Variants in HACE1 observed in about 807,000 individuals in gnomAD.
HACE1 encodes the protein HECT domain and ankyrin repeat containing E3 ubiquitin protein ligase 1.
Under a neutral mutation model 118.4 loss-of-function variants are expected in HACE1, and 73 were observed. That is an observed-to-expected ratio of 0.62 (90% CI 0.51 to 0.75). HACE1 has a LOEUF of 0.75. HACE1 is among the 30% of genes least tolerant of loss of function. The probability of loss-of-function intolerance (pLI) is 0.00; values close to 1 mark genes in which losing one functional copy is unlikely to be tolerated. For synonymous variants in HACE1, 368 were observed against 374.8 expected (o/e 0.98, Z 0.21); for missense variants, 749 against 1,102.2 (o/e 0.68, Z 4.54).
Position 104,777,089 on chromosome 6 carries a change from C to T in HACE1, c.1700G>A (p.Cys567Tyr). The T allele has an allele frequency of 6.2e-7, 1 of 1,610,090 alleles. No individual in the cohort carries two copies. The highest frequency in any genetic ancestry group is 8.5e-7 in the Non-Finnish European group (1 of 1,176,484). ...ACAATTTGCTTTTGACACAACTTCACAGCTACTCCTAAAAATAGAATCTAA... is the reference window on the plus strand; with the variant it reads ...ACAATTTGCTTTTGACACAACTTCATAGCTACTCCTAAAAATAGAATCTAA... Reference protein sequence around the residue: ...VHRDSIFRSSCEVVSKANCAK... With the variant: ...VHRDSIFRSSYEVVSKANCAK... The change falls in exon 16 of 24, where the codon TGT becomes TAT. Residue 567 changes from cysteine to tyrosine, a missense_variant. Cys to Tyr is a radical substitution (Grantham distance 194). Transcript: ENST00000262903.
chr6:104,840,079 A>AAT (rs1343693116), intron 5 of HACE1, among the ~76,000 whole-genome samples: 1 of 152,204 alleles, frequency 6.6e-6, no homozygotes, highest in Non-Finnish European at 1.5e-5. Flanking sequence ...TCCTTACTGT[A>AAT]ATATTATAGT....
At chr6:104,854,073 CAG>C (rs1474536845) in intron 1 of HACE1, among the ~76,000 whole-genome samples, 2 of 152,298 alleles carry the variant, frequency 1.3e-5, no homozygotes, top group East Asian at 3.9e-4. Context: ...AGCAAAGCTG[CAG>C]ATGAGGGTGG....
chr6:104,824,204 A>G (rs1179410927), intron 6 of HACE1, among the ~76,000 whole-genome samples: 1 of 152,232 alleles, frequency 6.6e-6, no homozygotes, highest in Non-Finnish European at 1.5e-5. Flanking sequence ...ATGGAGTCTC[A>G]TTCTCAAATA....
intron 6 of HACE1, among the ~76,000 whole-genome samples, chr6:104,827,875 T>C (rs949265243): frequency 6.6e-6 from 1 of 152,116 alleles, no homozygotes; most frequent in African/African-American, 2.4e-5. Context: ...GGTTCAACTA[T>C]CATTTTATGT....
intron 22 of HACE1, chr6:104,730,722 T>G (rs753949125): frequency 5.3e-5 from 18 of 342,520 alleles, no homozygotes; most frequent in Non-Finnish European, 9.0e-5. Context: ...TGGCTCTCTA[T>G]TGAAGTGGGG....
intron 1 of HACE1, among the ~76,000 whole-genome samples, chr6:104,853,500 T>C (rs1257183568): frequency 6.6e-6 from 1 of 152,186 alleles, no homozygotes; most frequent in Admixed American, 6.5e-5. Flanking sequence ...TGTTTTTTAA[T>C]AAATTATTTA....
At position 104,785,257 on chromosome 6, in the gene HACE1, C is replaced by A; in HGVS notation, c.1137G>T (p.Met379Ile). 1.2e-6 allele frequency: 2 copies of A among 1,612,682 alleles called. No homozygotes were observed. The highest frequency in any genetic ancestry group is 1.7e-6 in the Non-Finnish European group (2 of 1,179,088). The change falls in exon 12 of 24, where the codon ATG (methionine) becomes ATT (isoleucine). Residue 379 changes from methionine to isoleucine, a missense_variant. Around this residue, in one of 5 missense-constraint regions of HACE1, gnomAD observed 267 missense variants for 312.2 expected, o/e 0.86. Transcript: ENST00000262903. ...EWLVLIATELMKNKRDSTEIT... is the reference protein window; with the variant it reads ...EWLVLIATELIKNKRDSTEIT... ...TCTCTGTTGAGTCTCTTTTGTTTTT[C>A]ATCAATTCTGTGGCTATTAAAACTA...
chr6:104,739,260 A>G (rs1458966249), intron 22 of HACE1, among the ~76,000 whole-genome samples: 1 of 152,180 alleles, frequency 6.6e-6, no homozygotes, highest in Admixed American at 6.5e-5. Context: ...TATATCAACT[A>G]ACGAACAAAA....
intron 11 of HACE1, chr6:104,786,108 GTAGATC>G (rs1782361674): frequency 6.6e-6 from 1 of 152,076 alleles, no homozygotes; most frequent in Admixed American, 6.6e-5. Context: ...GCCGAGGTGG[GTAGATC>G]ACTTGAGGTC....
chr6:104,729,449 C>T lies in HACE1; in HGVS notation c.*213G>A. ...CAGTTAGCATTTTAAAAAATAAAATCTACTGTGATTTTATATTTTCTAATT... is the reference window on the plus strand; with the variant it reads ...CAGTTAGCATTTTAAAAAATAAAATTTACTGTGATTTTATATTTTCTAATT... On this transcript the variant is annotated 3_prime_UTR_variant, in exon 24 of 24. Transcript: ENST00000262903. 1 of 561,914 alleles carries T rather than the reference C, an allele frequency of 1.8e-6. No homozygotes were observed. The highest frequency in any genetic ancestry group is 2.2e-5 in the South Asian group (1 of 45,796). 34.8% of individuals were successfully genotyped at this position (561,914 alleles called of 1,614,324 possible).
intron 6 of HACE1, among the ~76,000 whole-genome samples, chr6:104,831,584 CA>C (rs111566392): frequency 4.2e-4 from 46 of 110,300 alleles, no homozygotes; most frequent in Middle Eastern, 9.1e-3. Flanking sequence ...GCCTCCGTCT[CA>C]AAAAAAAAAA....
At chr6:104,774,271 T>C (rs1407646513) in intron 17 of HACE1, among the ~76,000 whole-genome samples, 1 of 130,416 alleles carries the variant, frequency 7.7e-6, no homozygotes, top group East Asian at 2.0e-4. Context: ...TTTGTATTTT[T>C]AGTAGAGACG....
rs764124015 is a variant in HACE1 at position 104,811,408 on chromosome 6, ATAAT to A, written c.535-19_535-16del. 1.6e-6 allele frequency: 2 copies of A among 1,278,806 alleles called. No individual in the cohort carries two copies. Among genetic ancestry groups the A allele is most frequent in the South Asian group, 1.2e-5 (1 of 84,460 alleles). 79.2% of individuals were successfully genotyped at this position (1,278,806 alleles called of 1,614,324 possible). A position where few individuals can be genotyped will look rare whatever the true frequency, so the allele number is the denominator to read the frequency against. On this transcript the variant is annotated splice_polypyrimidine_tract_variant and intron_variant, in intron 6 of 23. Coordinates refer to ENST00000262903, the MANE Select transcript of HACE1 (RefSeq NM_020771.4). ...CACTGCACTGTCTGAGGGGGAAAAA[ATAAT>A]TAAAAGTAAAGCCAGAGGAATCAAA...
intron 19 of HACE1, among the ~76,000 whole-genome samples, chr6:104,766,471 A>C (rs1048639271): frequency 6.6e-5 from 10 of 152,140 alleles, no homozygotes; most frequent in African/African-American, 2.4e-4. Flanking sequence ...TTTTCTAAAG[A>C]TGCATATAAA....
intron 19 of HACE1, among the ~76,000 whole-genome samples, chr6:104,754,211 A>G (rs953542921): frequency 4.6e-5 from 7 of 152,186 alleles, no homozygotes; most frequent in Admixed American, 3.3e-4. Flanking sequence ...AGAAAAAGGA[A>G]CAAAAAGGAA....
At chr6:104,855,449 A>C (rs1776626208) in intron 1 of HACE1, among the ~76,000 whole-genome samples, 1 of 152,280 alleles carries the variant, frequency 6.6e-6, no homozygotes, top group South Asian at 2.1e-4. Flanking sequence ...TCTCGGAAAA[A>C]AAAATAAAAA....
In HACE1 at chr6:104,785,161, T is replaced by C; in HGVS notation, c.1233A>G (p.Pro411=). ...ACAGATTTTCATAGCTCCCAGGTCC[T>C]GGAGGTTCAAATGGAGGAATGGAAG... ...DAASIPPFEP[P]GPGSYENLST... The change falls in exon 12 of 24, where the codon CCA becomes CCG. Residue 411 remains proline, a synonymous_variant. Transcript: ENST00000262903. The C allele has an allele frequency of 1.2e-6, 2 of 1,614,058 alleles. No individual in the cohort carries two copies. The highest frequency in any genetic ancestry group is 1.1e-5 in the South Asian group (1 of 91,076).
chr6:104,753,940 G>A (rs985192519), intron 19 of HACE1, among the ~76,000 whole-genome samples: 7 of 152,110 alleles, frequency 4.6e-5, no homozygotes, highest in Non-Finnish European at 7.4e-5. Context: ...TTCAGAAGGT[G>A]GGTAATAATA....
intron 1 of HACE1, among the ~76,000 whole-genome samples, chr6:104,853,896 C>T (rs908585875): frequency 4.6e-5 from 7 of 152,018 alleles, no homozygotes; most frequent in African/African-American, 1.7e-4. Flanking sequence ...TTTTTCCCTA[C>T]ATGATAAAGT....
Sources: gnomAD v4.1 joint callset for allele counts (sites outside exome capture counted in the v4.1 genomes callset) on GRCh38, gnomAD v4.1.1 for gene constraint, gnomAD v4.1.1 regional missense constraint, MANE v1.5 for transcripts, NCBI Gene and HGNC (gene_info 2026-07-23, HGNC 2026-07-21) for gene names.